The following CCDC6 variants were observed in gnomAD, a reference collection of about 807,000 sequenced individuals.
CCDC6 encodes coiled-coil domain-containing protein 6.
In CCDC6, 20 loss-of-function variants were observed where a neutral mutation model predicts 56.6. The ratio of observed to expected loss-of-function variants is 0.35; its 90% confidence interval spans 0.25 to 0.51. CCDC6 has a LOEUF of 0.51. Ranked by LOEUF, CCDC6 falls within the 20% of genes least tolerant of loss-of-function variation. CCDC6 has a pLI of 0.95. For missense variants in CCDC6, 367 were observed against 601.1 expected, an observed-to-expected ratio of 0.61 and a Z score of 4.07; for synonymous variants, 241 against 234.4, an observed-to-expected ratio of 1.03 and a Z score of -0.26.
chr10:59,906,407 G>A lies in CCDC6; in HGVS notation c.18C>T (p.Ser6=). 1.3e-5 allele frequency: 21 copies of A among 1,559,832 alleles called. No individual in the cohort carries two copies. The highest frequency in any genetic ancestry group is 1.6e-5 in the Non-Finnish European group (19 of 1,164,542). Residue 6 remains serine, a synonymous_variant, in exon 1 of 9, where the codon AGC becomes AGT. Transcript: ENST00000263102. MADSA[S]ESDTDGAGGN... ...CCCCCGCCCCGTCCGTGTCGCTCTCGCTGGCGCTGTCCGCCATGGCCGCGG... is the reference window on the plus strand; with the variant it reads ...CCCCCGCCCCGTCCGTGTCGCTCTCACTGGCGCTGTCCGCCATGGCCGCGG...
chr10:59,860,775 C>T (rs562275132), intron 1 of CCDC6, among the ~76,000 whole-genome samples: 4 of 152,204 alleles, frequency 2.6e-5, no homozygotes, highest in South Asian at 2.1e-4. Flanking sequence ...CTACTGGGCG[C>T]GATGGCTTAC....
At chr10:59,901,289 A>G (rs992135584) in intron 1 of CCDC6, among the ~76,000 whole-genome samples, 3 of 151,740 alleles carry the variant, frequency 2.0e-5, no homozygotes, top group Non-Finnish European at 4.4e-5. Context: ...AAACGGGGGG[A>G]AAAAAGACAT....
chr10:59,834,957 C>T lies in CCDC6; in HGVS notation c.454-2304G>A, dbSNP rs1245997117. 2.6e-5 allele frequency among the ~76,000 whole-genome samples: 4 copies of T among 152,178 alleles called. No homozygotes were observed. In the South Asian group the frequency reaches 8.3e-4, roughly 31 times the overall value. ...TCATTCAGTAAGCGTGCTGTGCTGT[C>T]TTCTATCTGCAGGTACTATGAGAAT... On this transcript the variant is annotated intron_variant, in intron 2 of 8. Transcript: ENST00000263102.
chr10:59,901,298 A>G (rs556296319), intron 1 of CCDC6, among the ~76,000 whole-genome samples: 2 of 152,326 alleles, frequency 1.3e-5, no homozygotes, highest in South Asian at 4.1e-4. Context: ...GAAAAAAGAC[A>G]TCACACTCTC....
intron 1 of CCDC6, among the ~76,000 whole-genome samples, chr10:59,862,558 TATATATACACATACACACAC>T (rs2071142216): frequency 1.2e-5 from 1 of 84,350 alleles, no homozygotes; most frequent in Admixed American, 1.1e-4. Context: ...CACACACACA[TATATATACACATACACACAC>T]ACACACATAT....
In CCDC6 at chr10:59,852,599, T is replaced by G; in HGVS notation, c.407A>C (p.Lys136Thr). ...CTCATTAGTGAGGAATTCTTCTTCT[T>G]TCTCATAATTTACAGCAAGGGTTTC... ...EKETLAVNYE[K>T]EEEFLTNELS... The change falls in exon 2 of 9, where the codon AAA becomes ACA. Residue 136 changes from lysine (K) to threonine (T), a missense_variant. By Grantham distance (78) the Lys-to-Thr change is moderately conservative. This residue lies in a region of CCDC6 where 31 missense variants were observed against 124.2 expected (regional missense o/e 0.25). Transcript: ENST00000263102. 6.2e-7 allele frequency: 1 copy of G among 1,602,840 alleles called. No homozygotes were observed. The highest frequency in any genetic ancestry group is 8.5e-7 in the Non-Finnish European group (1 of 1,176,470).
chr10:59,840,577 T>C (rs2070929477), intron 2 of CCDC6, among the ~76,000 whole-genome samples: 1 of 152,224 alleles, frequency 6.6e-6, no homozygotes, highest in Non-Finnish European at 1.5e-5. Flanking sequence ...TAGCCCAGAC[T>C]TCTCTGTTGA....
chr10:59,864,074 T>C (rs889584039), intron 1 of CCDC6, among the ~76,000 whole-genome samples: 1 of 152,198 alleles, frequency 6.6e-6, no homozygotes, highest in African/African-American at 2.4e-5. Flanking sequence ...TTAGTTCCCA[T>C]GGCCAGCTTT....
intron 2 of CCDC6, among the ~76,000 whole-genome samples, chr10:59,838,275 C>G (rs181992783): frequency 2.0e-4 from 31 of 152,192 alleles, no homozygotes; most frequent in Non-Finnish European, 3.2e-4. Context: ...GCTCATGGCC[C>G]CAGTCTGGTT....
At chr10:59,877,020 C>A (rs1461881253) in intron 1 of CCDC6, among the ~76,000 whole-genome samples, 1 of 151,914 alleles carries the variant, frequency 6.6e-6, no homozygotes, top group South Asian at 2.1e-4. Context: ...ATACTGCAGG[C>A]AATTGTAACA....
intron 1 of CCDC6, among the ~76,000 whole-genome samples, chr10:59,884,647 T>C (rs2071368903): frequency 8.3e-6 from 1 of 120,526 alleles, no homozygotes; most frequent in African/African-American, 2.6e-5. Flanking sequence ...ATGTGTAAAG[T>C]AGAAAAAAAA....
chr10:59,808,947 T>C (rs996801453), intron 5 of CCDC6, among the ~76,000 whole-genome samples: 2 of 152,228 alleles, frequency 1.3e-5, no homozygotes, highest in Non-Finnish European at 2.9e-5. Context: ...CACTAAACAC[T>C]AAATCCCTTG....
intron 2 of CCDC6, among the ~76,000 whole-genome samples, chr10:59,842,795 C>T (rs1018205035): frequency 4.7e-5 from 7 of 149,278 alleles, no homozygotes; most frequent in Admixed American, 3.3e-4. Context: ...GCTCTGTCAC[C>T]CAGGCTGGAG....
intron 5 of CCDC6, among the ~76,000 whole-genome samples, chr10:59,810,172 G>C (rs769725101): frequency 6.6e-6 from 1 of 152,170 alleles, no homozygotes; most frequent in Non-Finnish European, 1.5e-5. Context: ...TGGAGGGTGA[G>C]GAGCCACCTG....
intron 1 of CCDC6, among the ~76,000 whole-genome samples, chr10:59,883,281 C>T (rs2071359585): frequency 6.6e-6 from 1 of 152,194 alleles, no homozygotes; most frequent in African/African-American, 2.4e-5. Flanking sequence ...AAATGTGATA[C>T]TGGAAGCTAT....
intron 7 of CCDC6, among the ~76,000 whole-genome samples, chr10:59,796,701 C>T (rs1361647635): frequency 3.3e-5 from 5 of 152,172 alleles, no homozygotes; most frequent in Non-Finnish European, 7.3e-5. Flanking sequence ...GGAGCGGTGG[C>T]TCACGCCTGT....
chr10:59,802,553 T>A (rs562585366), intron 7 of CCDC6, among the ~76,000 whole-genome samples: 2 of 152,272 alleles, frequency 1.3e-5, no homozygotes, highest in East Asian at 3.9e-4. Context: ...AAATCTCCTT[T>A]GGTGATGTTA....
At chr10:59,875,946 C>T (rs2132671659) in intron 1 of CCDC6, among the ~76,000 whole-genome samples, 1 of 152,080 alleles carries the variant, frequency 6.6e-6, no homozygotes, top group Middle Eastern at 3.4e-3. Flanking sequence ...ACTATATACT[C>T]CTATCAAAAT....
rs112531888 is a variant in CCDC6 at position 59,898,670 on chromosome 10, G to A, written c.303+7452C>T. On this transcript the variant is annotated intron_variant, in intron 1 of 8. Transcript: ENST00000263102. ...CAAGTGCAATCCTCGCTATGCTACC[G>A]GGAGAGCCCTAACATTCCTTTTGGA... is the stretch of plus-strand genomic sequence containing the variant. Among the ~76,000 whole-genome samples, 602 of 152,292 alleles carry A rather than the reference G, an allele frequency of 4.0e-3. 2 individuals carry two copies. Among genetic ancestry groups the A allele is most frequent in the African/African-American group, 0.013 (553 of 41,562 alleles).
Sources: allele counts gnomAD v4.1 joint callset (sites outside exome capture counted in the v4.1 genomes callset), GRCh38; gene constraint gnomAD v4.1.1; regional missense constraint gnomAD v4.1.1; transcripts MANE v1.5; gene names NCBI Gene and HGNC (gene_info 2026-07-23, HGNC 2026-07-21).